SCGB2B2: variants seen among roughly 807,000 people sequenced by gnomAD.
The protein encoded by SCGB2B2 is secretoglobin-like protein.
A neutral mutation model predicts 7.6 loss-of-function variants in SCGB2B2; 11 were observed. The observed-to-expected ratio is 1.45, with a 90% CI of 0.91 to 2.40. SCGB2B2 has a LOEUF of 2.40. Ranked by LOEUF, SCGB2B2 falls within the 30% of genes most tolerant of loss-of-function variation. The pLI is 0.00. For missense variants in SCGB2B2, 104 were observed against 115.4 expected, an observed-to-expected ratio of 0.90 and a Z score of 0.45; for synonymous variants, 50 against 48.6, an observed-to-expected ratio of 1.03 and a Z score of -0.12.
intron 1 of SCGB2B2, among the ~76,000 whole-genome samples, chr19:34,611,196 C>T (rs1025757540): frequency 7.3e-6 from 1 of 136,920 alleles, no homozygotes; most frequent in African/African-American, 2.5e-5. Flanking sequence ...GTTTTATTTA[C>T]TTGTGCCTTT....
At chr19:34,621,002 C>CAA (rs142091105) in intron 1 of SCGB2B2, among the ~76,000 whole-genome samples, 144 of 151,378 alleles carry the variant, frequency 9.5e-4, no homozygotes, top group African/African-American at 3.3e-3. Context: ...AAGCTATATG[C>CAA]AAAAAAAAGA....
chr19:34,606,483 T>G (rs546343557), intron 1 of SCGB2B2, among the ~76,000 whole-genome samples: 36 of 150,966 alleles, frequency 2.4e-4, no homozygotes, highest in African/African-American at 6.5e-4. Context: ...AGAAACTTTT[T>G]GAGGGGTAGG....
rs2067977553 is a variant in SCGB2B2, at chr19:34,676,973, C to T, written c.-3375G>A. ...CTCCCAGGATGAGGGTCTCCATCCT[C>T]CCAGTGCTCACTCAAGTTCAGTATT... On this transcript the variant is annotated 5_prime_UTR_variant, in exon 1 of 4. Coordinates refer to ENST00000601241, the MANE Select transcript of SCGB2B2 (RefSeq NM_001025591.4). The T allele has an allele frequency of 6.6e-6, 1 of 152,098 alleles. No individual in the cohort carries two copies. The highest frequency in any genetic ancestry group is 1.5e-5 in the Non-Finnish European group (1 of 68,002). The allele number at this position is 152,098 out of a possible 1,614,324, so 9.4% of individuals were successfully genotyped here.
intron 1 of SCGB2B2, among the ~76,000 whole-genome samples, chr19:34,659,990 A>G (rs868802433): frequency 2.6e-5 from 4 of 152,216 alleles, no homozygotes; most frequent in African/African-American, 4.8e-5. Flanking sequence ...CATGTCTACA[A>G]CCATCTGATC....
downstream of SCGB2B2, among the ~76,000 whole-genome samples, chr19:34,589,376 T>C (rs1396534152): frequency 1.3e-5 from 2 of 151,774 alleles, no homozygotes; most frequent in Non-Finnish European, 2.9e-5. Context: ...TCTGAGTTGG[T>C]GGGAGCCTGG....
intron 1 of SCGB2B2, among the ~76,000 whole-genome samples, chr19:34,604,389 A>AATAG (rs2065719575): frequency 6.6e-6 from 1 of 152,226 alleles, no homozygotes; most frequent in East Asian, 1.9e-4. Flanking sequence ...CCCCTGAATG[A>AATAG]ATAGATGTTG....
At chr19:34,636,352 G>A (rs1353795917) in intron 1 of SCGB2B2, among the ~76,000 whole-genome samples, 3 of 152,194 alleles carry the variant, frequency 2.0e-5, no homozygotes, top group Non-Finnish European at 4.4e-5. Context: ...ACAATGGGGA[G>A]GTCTAGGGAG....
chr19:34,608,685 A>ATATATATATATATATATAT (rs1489127995), intron 1 of SCGB2B2: 11 of 131,462 alleles, frequency 8.4e-5, no homozygotes, highest in African/African-American at 1.4e-4. Flanking sequence ...ATATATATAT[A>ATATATATATATATATATAT]CCGTATTTTC....
intron 1 of SCGB2B2, among the ~76,000 whole-genome samples, chr19:34,600,553 G>A (rs570612499): frequency 3.3e-5 from 5 of 152,292 alleles, no homozygotes; most frequent in South Asian, 2.1e-4. Flanking sequence ...ATCTGGTATC[G>A]TCAGTGTTGT....
At chr19:34,604,526 T>C (rs1026038379) in intron 1 of SCGB2B2, among the ~76,000 whole-genome samples, 3 of 152,224 alleles carry the variant, frequency 2.0e-5, no homozygotes, top group African/African-American at 7.2e-5. Flanking sequence ...ACATGAGTGA[T>C]CATCAATGAT....
intron 1 of SCGB2B2, among the ~76,000 whole-genome samples, chr19:34,601,265 A>G (rs2065616222): frequency 1.3e-5 from 2 of 152,202 alleles, no homozygotes; most frequent in South Asian, 2.1e-4. Context: ...CTCTATGCCA[A>G]TGTGGCACTG....
downstream of SCGB2B2, among the ~76,000 whole-genome samples, chr19:34,585,912 G>C (rs564606783): frequency 1.3e-5 from 2 of 152,284 alleles, no homozygotes; most frequent in Admixed American, 1.3e-4. Flanking sequence ...AGAATAATTG[G>C]TGGCAATTAT....
chr19:34,638,412 C>T (rs188522721), intron 1 of SCGB2B2, among the ~76,000 whole-genome samples: 72 of 151,684 alleles, frequency 4.7e-4, no homozygotes, highest in Non-Finnish European at 8.1e-4. Flanking sequence ...CACTGCACTC[C>T]AGCCTGGATG....
rs2065299640 is a variant in SCGB2B2, at chr19:34,591,608, C to G, written c.*1947G>C. Among the ~76,000 whole-genome samples the G allele has an allele frequency of 6.6e-6, 1 of 152,262 alleles. No homozygotes were observed. Among genetic ancestry groups the G allele is most frequent in the African/African-American group, 2.4e-5 (1 of 41,474 alleles). On this transcript the variant is annotated 3_prime_UTR_variant, in exon 4 of 4. Coordinates refer to ENST00000601241, the MANE Select transcript of SCGB2B2 (RefSeq NM_001025591.4). ...ACCTTTCTGCAAGGTCCTGCGTGAC[C>G]TGGCACTTGCCTCGTTTTCTGACGT...
downstream of SCGB2B2, among the ~76,000 whole-genome samples, chr19:34,587,760 G>A (rs764963236): frequency 5.3e-5 from 8 of 152,054 alleles, no homozygotes; most frequent in Admixed American, 2.6e-4. Flanking sequence ...GAATTTTATC[G>A]TGCTTTTTCT....
chr19:34,666,041 TC>T (rs1018621874), intron 1 of SCGB2B2, among the ~76,000 whole-genome samples: 2 of 152,028 alleles, frequency 1.3e-5, no homozygotes, highest in African/African-American at 4.8e-5. Context: ...CCCACACCTT[TC>T]AGCTGCAGTC....
chr19:34,665,236 T>C (rs2067582548), intron 1 of SCGB2B2, among the ~76,000 whole-genome samples: 1 of 152,204 alleles, frequency 6.6e-6, no homozygotes, highest in Non-Finnish European at 1.5e-5. Context: ...GAGCCCTTGG[T>C]CACAAGGCGT....
At position 34,592,883 on chromosome 19, in the gene SCGB2B2, T is replaced by C. The variant is rs1460804710; in HGVS notation, c.*672A>G. On this transcript the variant is annotated 3_prime_UTR_variant, in exon 4 of 4. Coordinates refer to ENST00000601241, the MANE Select transcript of SCGB2B2 (RefSeq NM_001025591.4). ...TGTGACTTAGCCAGGAGGGTGTGAT[T>C]TCCCAGCCTCCAGCATCCCGAGTCC... Among the ~76,000 whole-genome samples the C allele has an allele frequency of 6.6e-6, 1 of 152,060 alleles. No individual in the cohort carries two copies.
rs114462011 is a variant in SCGB2B2 at position 34,595,253 on chromosome 19, G to A, written c.-690C>T. 1 of 152,628 alleles carries A rather than the reference G, an allele frequency of 6.6e-6. No individual in the cohort carries two copies. Among genetic ancestry groups the A allele is most frequent in the African/African-American group, 2.4e-5 (1 of 41,564 alleles). 9.5% of individuals were successfully genotyped at this position (152,628 alleles called of 1,614,324 possible). On this transcript the variant is annotated 5_prime_UTR_variant, in exon 2 of 4. Coordinates refer to ENST00000601241, the MANE Select transcript of SCGB2B2 (RefSeq NM_001025591.4). The stretch of plus-strand genomic sequence containing the variant: ...GAGAAAAGACAAGTTAAGAGTGAAA[G>A]GTGGGGAGCCAGGGGGCCAGTGCAA...
Sources: gnomAD v4.1 joint callset for allele counts (sites outside exome capture counted in the v4.1 genomes callset) on GRCh38, gnomAD v4.1.1 for gene constraint, MANE v1.5 for transcripts, NCBI Gene and HGNC (gene_info 2026-07-23, HGNC 2026-07-21) for gene names.